Variants in RUBCN observed in about 807,000 individuals in gnomAD.
RUBCN encodes rubicon autophagy regulator.
RUBCN carries 74 observed loss-of-function variants against 113.2 expected under a neutral mutation model. That is an observed-to-expected ratio of 0.65 (90% CI 0.54 to 0.79). RUBCN has a LOEUF of 0.79. RUBCN is among the 30% of genes least tolerant of loss of function. RUBCN has a pLI of 0.00. For missense variants in RUBCN, 1,109 were observed against 1,251.7 expected (o/e 0.89, Z 1.72); for synonymous variants, 480 against 490.0 (o/e 0.98, Z 0.27).
chr3:197,685,074 T>TA (rs1721689774), intron 11 of RUBCN, among the ~76,000 whole-genome samples: 1 of 152,224 alleles, frequency 6.6e-6, no homozygotes, highest in African/African-American at 2.4e-5. Context: ...AGGCTAGCTA[T>TA]ACAGGAAACT....
chr3:197,674,660 T>G lies in RUBCN; in HGVS notation c.*358A>C. On this transcript the variant is annotated 3_prime_UTR_variant, in exon 20 of 20. Transcript: ENST00000296343. The stretch of plus-strand genomic sequence containing the variant: ...TGAAACAAAGGAAAATTGGAAATGA[T>G]ACCTGACATGCAGGTGAAACCTAGA... The G allele has an allele frequency of 2.4e-6, 1 of 414,314 alleles. No individual in the cohort carries two copies. The highest frequency in any genetic ancestry group is 2.2e-5 in the South Asian group (1 of 45,436). 25.7% of individuals were successfully genotyped at this position (414,314 alleles called of 1,614,324 possible). A position where few individuals can be genotyped will look rare whatever the true frequency, so the allele number is the denominator to read the frequency against.
intron 3 of RUBCN, among the ~76,000 whole-genome samples, 162 bp from the exon 4 acceptor site, chr3:197,704,863 T>C (rs1724108235): frequency 6.6e-6 from 1 of 151,972 alleles, no homozygotes; most frequent in Admixed American, 6.5e-5. Context: ...TAGCAAAACT[T>C]TTTTTCCCTT....
At chr3:197,695,737 C>T in intron 9 of RUBCN, 129 bp downstream of exon 9, 1 of 827,474 alleles carries the variant, frequency 1.2e-6, no homozygotes, top group Non-Finnish European at 2.0e-6. Context: ...ACTTGCTGAG[C>T]TTCCCTTTAC....
chr3:197,748,606 G>A (rs770069971), intron 1 of RUBCN, among the ~76,000 whole-genome samples: 20 of 152,184 alleles, frequency 1.3e-4, no homozygotes, highest in Non-Finnish European at 2.8e-4. Context: ...AACATAATCT[G>A]TGTGAAGACT....
chr3:197,694,012 T>C (rs1329947529), intron 10 of RUBCN, 196 bp from the exon 11 acceptor site: 8 of 578,692 alleles, frequency 1.4e-5, no homozygotes, highest in African/African-American at 3.8e-5. Flanking sequence ...GGTCTCCTCA[T>C]ATCAGGAAGC....
intron 16 of RUBCN, 67 bp from the exon 17 acceptor site, chr3:197,677,608 C>T: frequency 4.1e-6 from 6 of 1,462,808 alleles, no homozygotes; most frequent in Non-Finnish European, 5.7e-6. Context: ...GTGTGGGAAG[C>T]CCAGGGCCTT....
Position 197,736,903 on chromosome 3 carries a change from A to T in RUBCN, c.-184T>A. The stretch of plus-strand genomic sequence containing the variant: ...CTGGGCTGCGGCTTCTATCCCGGCC[A>T]CCCCCACTTCCGGCTCCGGGGACTA... On this transcript the variant is annotated 5_prime_UTR_variant, in exon 1 of 20. Transcript: ENST00000296343. 7.4e-7 allele frequency: 1 copy of T among 1,358,776 alleles called. No homozygotes were observed. The highest frequency in any genetic ancestry group is 9.4e-7 in the Non-Finnish European group (1 of 1,062,472). 84.2% of individuals were successfully genotyped at this position (1,358,776 alleles called of 1,614,324 possible).
intron 2 of RUBCN, among the ~76,000 whole-genome samples, chr3:197,712,036 T>G (rs1048797476): frequency 6.6e-6 from 1 of 152,160 alleles, no homozygotes; most frequent in Non-Finnish European, 1.5e-5. Flanking sequence ...CATTACATAT[T>G]CAGAAAAAAA....
chr3:197,706,215 G>C (rs1307201120), intron 2 of RUBCN, among the ~76,000 whole-genome samples: 1 of 152,216 alleles, frequency 6.6e-6, no homozygotes, highest in Non-Finnish European at 1.5e-5. Flanking sequence ...TGGAGGCAAA[G>C]AAATGCCCAG....
In RUBCN at chr3:197,736,720, C is replaced by G. The variant is rs770846842; in HGVS notation, c.-1G>C. The G allele has an allele frequency of 6.5e-6, 10 of 1,529,514 alleles. No individual in the cohort carries two copies. In the Admixed American group the frequency reaches 1.4e-4, roughly 21 times the overall value. 94.7% of individuals were successfully genotyped at this position (1,529,514 alleles called of 1,614,324 possible). ...CCATTCCCGCGCCCTCCGGCCGCAT[C>G]CGGGGCGGTGAGGCCGCCTCTTCGC... On this transcript the variant is annotated 5_prime_UTR_variant, in exon 1 of 20. Coordinates refer to ENST00000296343, the MANE Select transcript of RUBCN (RefSeq NM_014687.4).
At chr3:197,678,347 T>G (rs953438288) in intron 16 of RUBCN, among the ~76,000 whole-genome samples, 2 of 145,924 alleles carry the variant, frequency 1.4e-5, no homozygotes, top group African/African-American at 5.2e-5. Flanking sequence ...CTTCAGACTG[T>G]CCTATGCTCT....
chr3:197,692,798 CAT>C (rs1249406548), intron 11 of RUBCN, among the ~76,000 whole-genome samples: 5 of 152,192 alleles, frequency 3.3e-5, no homozygotes, highest in Non-Finnish European at 5.9e-5. Context: ...TGGGAAGAAA[CAT>C]GTGGTTCCTC....
intron 11 of RUBCN, among the ~76,000 whole-genome samples, chr3:197,685,155 C>T (rs1721699483): frequency 6.6e-6 from 1 of 152,184 alleles, no homozygotes; most frequent in Non-Finnish European, 1.5e-5. Context: ...ATATGCTGAA[C>T]CTCCAGAGAC....
intron 2 of RUBCN, among the ~76,000 whole-genome samples, chr3:197,715,107 T>C (rs1725369285): frequency 6.6e-6 from 1 of 151,830 alleles, no homozygotes; most frequent in Non-Finnish European, 1.5e-5. Context: ...CTGACCAACA[T>C]GGAGAAACCC....
At chr3:197,706,129 TTAGCCCCTACTGCAAAAGCAAA>T (rs1724275326) in intron 2 of RUBCN, among the ~76,000 whole-genome samples, 2 of 152,196 alleles carry the variant, frequency 1.3e-5, no homozygotes, top group Admixed American at 1.3e-4. Flanking sequence ...CTGGATGTCT[TTAGCCCCTACTGCAAAAGCAAA>T]ATCAAATAAG....
intron 2 of RUBCN, among the ~76,000 whole-genome samples, chr3:197,714,995 GA>G (rs1438920527): frequency 6.6e-6 from 1 of 152,064 alleles, no homozygotes; most frequent in Admixed American, 6.6e-5. Context: ...AGGATATAAA[GA>G]AAAAGAAACT....
intron 11 of RUBCN, chr3:197,691,004 T>C: frequency 3.8e-6 from 3 of 799,056 alleles, no homozygotes; most frequent in South Asian, 2.8e-5. Context: ...TGATTAAGTA[T>C]ATACGAAAGC....
In RUBCN at chr3:197,736,872, C is replaced by T. The variant is rs1728203333; in HGVS notation, c.-153G>A. On this transcript the variant is annotated 5_prime_UTR_variant, in exon 1 of 20. Transcript: ENST00000296343. Reference sequence around the variant, plus strand: ...CCCGGGCGGCGACAGCGGGAGGGACCGCCGCCTGGGCTGCGGCTTCTATCC... The same window carrying T: ...CCCGGGCGGCGACAGCGGGAGGGACTGCCGCCTGGGCTGCGGCTTCTATCC... 1 of 1,375,002 alleles carries T rather than the reference C, an allele frequency of 7.3e-7. No individual in the cohort carries two copies. The highest frequency in any genetic ancestry group is 1.5e-5 in the African/African-American group (1 of 64,858). 85.2% of individuals were successfully genotyped at this position (1,375,002 alleles called of 1,614,324 possible). A position where few individuals can be genotyped will look rare whatever the true frequency, so the allele number is the denominator to read the frequency against.
At chr3:197,709,743 T>C (rs962041047) in intron 2 of RUBCN, among the ~76,000 whole-genome samples, 19 of 152,104 alleles carry the variant, frequency 1.2e-4, no homozygotes, top group Admixed American at 4.6e-4. Flanking sequence ...CACACCAGAA[T>C]AGAAATTGAG....
Sources: gnomAD v4.1 joint callset for allele counts (sites outside exome capture counted in the v4.1 genomes callset) on GRCh38, gnomAD v4.1.1 for gene constraint, MANE v1.5 for transcripts, NCBI Gene and HGNC (gene_info 2026-07-23, HGNC 2026-07-21) for gene names.